HIP1: variants seen among roughly 807,000 people sequenced by gnomAD.
HIP1 encodes the protein huntingtin-interacting protein 1.
A neutral mutation model predicts 147.6 loss-of-function variants in HIP1; 65 were observed. The observed-to-expected ratio is 0.44, with a 90% CI of 0.36 to 0.54. The LOEUF is 0.54. Ranked by LOEUF, HIP1 falls within the 20% of genes least tolerant of loss-of-function variation. HIP1 has a pLI of 0.00. For synonymous variants in HIP1, 479 were observed against 504.0 expected (o/e 0.95, Z 0.67); for missense variants, 1,061 against 1,299.6 (o/e 0.82, Z 2.82).
chr7:75,714,838 G>T lies in HIP1; in HGVS notation c.120+23963C>A, dbSNP rs548439537. On this transcript the variant is annotated intron_variant, in intron 1 of 30. Coordinates refer to ENST00000336926, the MANE Select transcript of HIP1 (RefSeq NM_005338.7). Reference sequence around the variant, plus strand: ...AATACCATTAACTATACTACACAATGAATTTGGATTTCACCAGTGTTTCCA... The same window carrying T: ...AATACCATTAACTATACTACACAATTAATTTGGATTTCACCAGTGTTTCCA... Among the ~76,000 whole-genome samples, 8 of 152,264 alleles carry T rather than the reference G, an allele frequency of 5.3e-5. No individual in the cohort carries two copies. The East Asian group carries it at 1.5e-3, about 29-fold the overall frequency.
chr7:75,554,158 G>C lies in HIP1; in HGVS notation c.2113C>G (p.His705Asp), dbSNP rs782096650. The change falls in exon 21 of 31, where the codon CAT becomes GAT. Residue 705 changes from histidine to aspartate, a missense_variant. This residue lies in a region of HIP1 where 810 missense variants were observed against 946.8 expected (regional missense o/e 0.86). Coordinates refer to ENST00000336926, the MANE Select transcript of HIP1 (RefSeq NM_005338.7). ...LAHLTSDAIAHGATTCLRAPP... is the reference protein window; with the variant it reads ...LAHLTSDAIADGATTCLRAPP... ...GCTCTGAGGCAGGTGGTGGCACCATGAGCAATGGCGTCGCTGGTCAAGTGG... is the reference window on the plus strand; with the variant it reads ...GCTCTGAGGCAGGTGGTGGCACCATCAGCAATGGCGTCGCTGGTCAAGTGG... 6.2e-7 allele frequency: 1 copy of C among 1,614,072 alleles called. No individual in the cohort carries two copies. The highest frequency in any genetic ancestry group is 1.7e-5 in the Admixed American group (1 of 60,016).
At chr7:75,681,679 T>C (rs1301627010) in intron 1 of HIP1, among the ~76,000 whole-genome samples, 1 of 151,884 alleles carries the variant, frequency 6.6e-6, no homozygotes, top group African/African-American at 2.4e-5. Flanking sequence ...GCTAATTTTT[T>C]ATTTTTTTTT....
At position 75,681,071 on chromosome 7, in the gene HIP1, C is replaced by T. The variant is rs557023901; in HGVS notation, c.120+57730G>A. 1.9e-4 allele frequency among the ~76,000 whole-genome samples: 29 copies of T among 152,128 alleles called. No individual in the cohort carries two copies. In the South Asian group the frequency reaches 5.8e-3, roughly 31 times the overall value. On this transcript the variant is annotated intron_variant, in intron 1 of 30. Coordinates refer to ENST00000336926, the MANE Select transcript of HIP1 (RefSeq NM_005338.7). ...GATTATGGGCATGAGCCACAGTGCCCAGCCCAGATTTTTGTATTTTTAGTA... is the reference window on the plus strand; with the variant it reads ...GATTATGGGCATGAGCCACAGTGCCTAGCCCAGATTTTTGTATTTTTAGTA...
chr7:75,638,846 G>A (rs1177600954), intron 1 of HIP1, among the ~76,000 whole-genome samples: 1 of 151,584 alleles, frequency 6.6e-6, no homozygotes, highest in Non-Finnish European at 1.5e-5. Context: ...CGGCGGGAAA[G>A]CCAGAGCCCA....
At chr7:75,628,067 G>A (rs1226785229) in intron 1 of HIP1, among the ~76,000 whole-genome samples, 1 of 152,158 alleles carries the variant, frequency 6.6e-6, no homozygotes, top group Non-Finnish European at 1.5e-5. Context: ...AGCATATTTA[G>A]AACAGTGCAG....
At chr7:75,711,211 G>A (rs918742094) in intron 1 of HIP1, among the ~76,000 whole-genome samples, 3 of 152,164 alleles carry the variant, frequency 2.0e-5, no homozygotes, top group African/African-American at 7.2e-5. Context: ...GAGTTCTAAT[G>A]TCCTAATTTG....
chr7:75,554,602 T>G (rs1584789304), intron 19 of HIP1, 76 bp from the exon 20 acceptor site: 2 of 1,048,376 alleles, frequency 1.9e-6, no homozygotes, highest in Non-Finnish European at 3.0e-6. Flanking sequence ...AAGCACTGAA[T>G]GGAGGAGCTT....
chr7:75,666,151 T>TATTA (rs555816881), intron 1 of HIP1, among the ~76,000 whole-genome samples: 23 of 151,556 alleles, frequency 1.5e-4, no homozygotes, highest in Middle Eastern at 3.2e-3. Context: ...AATCATGCTT[T>TATTA]ATTAATTAAT....
chr7:75,712,446 C>T (rs1335806931), intron 1 of HIP1, among the ~76,000 whole-genome samples: 1 of 152,038 alleles, frequency 6.6e-6, no homozygotes, highest in Non-Finnish European at 1.5e-5. Context: ...GGCTCACACT[C>T]CAATAGTAGG....
chr7:75,622,869 C>G lies in HIP1; in HGVS notation c.121-23622G>C, dbSNP rs1415781999. Among the ~76,000 whole-genome samples the G allele has an allele frequency of 5.3e-5, 6 of 113,384 alleles. No homozygotes were observed. The Middle Eastern group carries it at 0.014, about 255-fold the overall frequency. 74.4% of individuals were successfully genotyped at this position (113,384 alleles called of 152,430 possible). The stretch of plus-strand genomic sequence containing the variant: ...AATAATTATCTATCTATCTATCTAT[C>G]TATCTATCTATCTATCTATCTATCT... On this transcript the variant is annotated intron_variant, in intron 1 of 30. Coordinates refer to ENST00000336926, the MANE Select transcript of HIP1 (RefSeq NM_005338.7).
At chr7:75,581,599 C>T (rs1340768011) in intron 6 of HIP1, among the ~76,000 whole-genome samples, 3 of 152,006 alleles carry the variant, frequency 2.0e-5, no homozygotes, top group Non-Finnish European at 4.4e-5. Context: ...GCCAACGCGG[C>T]GAAACCCCAT....
chr7:75,626,867 A>C (rs918100809), intron 1 of HIP1: 10 of 148,292 alleles, frequency 6.7e-5, no homozygotes, highest in Admixed American at 2.7e-4. Context: ...CATAAGGTTC[A>C]ACCTAGTGCA....
chr7:75,622,394 C>T (rs981767652), intron 1 of HIP1, among the ~76,000 whole-genome samples: 8 of 151,630 alleles, frequency 5.3e-5, no homozygotes, highest in Non-Finnish European at 7.4e-5. Flanking sequence ...GAGGACACCC[C>T]GACGTTCAGG....
At chr7:75,617,178 G>T (rs587762457) in intron 1 of HIP1, among the ~76,000 whole-genome samples, 1 of 150,876 alleles carries the variant, frequency 6.6e-6, no homozygotes, top group Non-Finnish European at 1.5e-5. Flanking sequence ...CGGCTCAAGC[G>T]ATTCCCTTGT....
chr7:75,635,372 A>G (rs1319894958), intron 1 of HIP1, among the ~76,000 whole-genome samples: 3 of 152,132 alleles, frequency 2.0e-5, no homozygotes, highest in Non-Finnish European at 4.4e-5. Context: ...ATGAGAGGGA[A>G]ATCAAGAGTC....
intron 1 of HIP1, among the ~76,000 whole-genome samples, chr7:75,688,431 G>T (rs1200998389): frequency 4.0e-5 from 6 of 151,682 alleles, no homozygotes; most frequent in Non-Finnish European, 7.4e-5. Flanking sequence ...TGCAGGGGGT[G>T]GGGGGGATGA....
rs587642333 is a variant in HIP1, at chr7:75,570,805, G to A, written c.746-2549C>T. Reference sequence around the variant, plus strand: ...GAGGATCACTTGAGCTCAGGAGTTCGAGACAAGCCTGGCCAACAGGATGAA... The same window carrying A: ...GAGGATCACTTGAGCTCAGGAGTTCAAGACAAGCCTGGCCAACAGGATGAA... On this transcript the variant is annotated intron_variant, in intron 8 of 30. Coordinates refer to ENST00000336926, the MANE Select transcript of HIP1 (RefSeq NM_005338.7). 2.2e-4 allele frequency among the ~76,000 whole-genome samples: 34 copies of A among 151,944 alleles called. No homozygotes were observed. The South Asian group carries it at 5.4e-3, about 24-fold the overall frequency.
intron 1 of HIP1, among the ~76,000 whole-genome samples, chr7:75,647,211 C>CAAAAAAAAAAAAAAAAAAA (rs60972195): frequency 1.6e-4 from 9 of 58,000 alleles, no homozygotes; most frequent in Middle Eastern, 0.013. Flanking sequence ...ACTAAAAATA[C>CAAAAAAAAAAAAAAAAAAA]AAAAAAAAAA....
chr7:75,578,171 G>A (rs1435126910), intron 7 of HIP1, among the ~76,000 whole-genome samples: 1 of 152,134 alleles, frequency 6.6e-6, no homozygotes, highest in Non-Finnish European at 1.5e-5. Flanking sequence ...GTCAGGAACT[G>A]GAAGGATGAC....
Sources: allele counts gnomAD v4.1 joint callset (sites outside exome capture counted in the v4.1 genomes callset), GRCh38; gene constraint gnomAD v4.1.1; regional missense constraint gnomAD v4.1.1; transcripts MANE v1.5; gene names NCBI Gene and HGNC (gene_info 2026-07-23, HGNC 2026-07-21).